Variants in BCKDHB observed in about 807,000 individuals in gnomAD.
BCKDHB encodes the protein 2-oxoisovalerate dehydrogenase subunit beta, mitochondrial.
BCKDHB carries 41 observed loss-of-function variants against 48.5 expected under a neutral mutation model. That is an observed-to-expected ratio of 0.85 (90% CI 0.66 to 1.10). The LOEUF is 1.10. Among genes scored for constraint, BCKDHB ranks in the 50% least tolerant of loss-of-function variants. The pLI, the probability that BCKDHB is intolerant of heterozygous loss-of-function variation, is 0.00. For missense variants in BCKDHB, 496 were observed against 494.2 expected (o/e 1.00, Z -0.03); for synonymous variants, 201 against 174.8 (o/e 1.15, Z -1.18).
chr6:80,133,778 G>GACCC (rs1770747006), intron 3 of BCKDHB, among the ~76,000 whole-genome samples: 1 of 152,026 alleles, frequency 6.6e-6, no homozygotes, highest in African/African-American at 2.4e-5. Context: ...AAGTAGCTGG[G>GACCC]ACTACAGGTG....
chr6:80,267,121 C>T (rs1777546573), intron 8 of BCKDHB, among the ~76,000 whole-genome samples: 1 of 151,810 alleles, frequency 6.6e-6, no homozygotes, highest in Non-Finnish European at 1.5e-5. Context: ...TTGCCATGTG[C>T]TGTGTTCTTC....
At chr6:80,438,319 G>C in the BCKDHB span, among the ~76,000 whole-genome samples, 2 of 152,276 alleles carry the variant, frequency 1.3e-5, no homozygotes, top group Admixed American at 1.3e-4. Context: ...GGATCTCATA[G>C]CATAGACTTT....
chr6:80,167,189 T>C (rs1772619926), intron 3 of BCKDHB, among the ~76,000 whole-genome samples: 1 of 152,164 alleles, frequency 6.6e-6, no homozygotes, highest in South Asian at 2.1e-4. Context: ...GCTATTAATA[T>C]AGTGACATCA....
In BCKDHB at chr6:80,286,108, T is replaced by G. The variant is rs142650192; in HGVS notation, c.1038+12887T>G. 3.4e-4 allele frequency among the ~76,000 whole-genome samples: 52 copies of G among 152,298 alleles called. 1 individual carries two copies. The East Asian group carries it at 9.1e-3, about 27-fold the overall frequency. On this transcript the variant is annotated intron_variant, in intron 9 of 9. Coordinates refer to ENST00000320393, the MANE Select transcript of BCKDHB (RefSeq NM_183050.4). ...TGAATTTTCTGCTTATGCTGTTAAT[T>G]TTCTCCAAGGATATCATAGCTAACT...
chr6:80,155,303 T>C (rs1340852212), intron 3 of BCKDHB, among the ~76,000 whole-genome samples: 1 of 152,196 alleles, frequency 6.6e-6, no homozygotes, highest in Non-Finnish European at 1.5e-5. Context: ...TATTTAAAAC[T>C]GTTTTGTATT....
intron 3 of BCKDHB, among the ~76,000 whole-genome samples, chr6:80,156,816 C>G (rs1772065616): frequency 6.6e-6 from 1 of 152,092 alleles, no homozygotes; most frequent in Non-Finnish European, 1.5e-5. Flanking sequence ...AAACTCAAAG[C>G]TTTGTTGGTG....
chr6:80,188,697 T>C (rs1773761898), intron 6 of BCKDHB, among the ~76,000 whole-genome samples: 1 of 152,144 alleles, frequency 6.6e-6, no homozygotes, highest in African/African-American at 2.4e-5. Context: ...CTTACTATGC[T>C]TATTACCTGG....
intron 8 of BCKDHB, among the ~76,000 whole-genome samples, chr6:80,225,400 G>C (rs1775639327): frequency 6.6e-6 from 1 of 152,112 alleles, no homozygotes; most frequent in African/African-American, 2.4e-5. Context: ...TAGACAAAAA[G>C]TGAATAAAAA....
the BCKDHB span, among the ~76,000 whole-genome samples, chr6:80,391,070 C>A: frequency 6.6e-6 from 1 of 152,140 alleles, no homozygotes; most frequent in Non-Finnish European, 1.5e-5. Flanking sequence ...AGACTGACTT[C>A]TTGCTCAAGT....
At chr6:80,132,357 C>G (rs907738246) in intron 3 of BCKDHB, among the ~76,000 whole-genome samples, 1 of 152,122 alleles carries the variant, frequency 6.6e-6, no homozygotes, top group Non-Finnish European at 1.5e-5. Context: ...TAAGCTGTTC[C>G]ACAGAATGGA....
At chr6:80,369,028 A>G in the BCKDHB span, among the ~76,000 whole-genome samples, 31 of 1,886 alleles carry the variant, frequency 0.016, 6 homozygotes, top group East Asian at 0.5. Context: ...AAAAAAAAAC[A>G]AAAGAAAAGA....
At position 80,127,717 on chromosome 6, in the gene BCKDHB, A is replaced by C. The variant is rs144142775; in HGVS notation, c.274+93A>C. 3.5e-6 allele frequency: 4 copies of C among 1,136,256 alleles called. 1 individual carries two copies. The highest frequency in any genetic ancestry group is 5.4e-6 in the Non-Finnish European group (4 of 744,814). The allele number at this position is 1,136,256 out of a possible 1,614,324, so 70.4% of individuals were successfully genotyped here. A position where few individuals can be genotyped will look rare whatever the true frequency, so the allele number is the denominator to read the frequency against. On this transcript the variant is annotated intron_variant, in intron 2 of 9. Transcript: ENST00000320393. ...ATTTATGTGGAGCTCAATGGTTAAC[A>C]TTGTATCTACCTGACATTTTCAAAG...
the BCKDHB span, among the ~76,000 whole-genome samples, chr6:80,372,475 T>G: frequency 2.0e-5 from 3 of 152,104 alleles, no homozygotes; most frequent in Non-Finnish European, 4.4e-5. Context: ...GCTAGGACTT[T>G]CAGTACTATG....
At chr6:80,187,376 C>T (rs1773691140) in intron 6 of BCKDHB, among the ~76,000 whole-genome samples, 1 of 151,820 alleles carries the variant, frequency 6.6e-6, no homozygotes, top group Admixed American at 6.6e-5. Context: ...ACACTTAAAC[C>T]TAAGCTTTTA....
intron 8 of BCKDHB, among the ~76,000 whole-genome samples, chr6:80,213,273 G>C (rs1213316977): frequency 6.6e-6 from 1 of 151,948 alleles, no homozygotes; most frequent in African/African-American, 2.4e-5. Context: ...CCTTGCATTT[G>C]ACTTTTCTTA....
chr6:80,446,842 T>C, the BCKDHB span, among the ~76,000 whole-genome samples: 3 of 151,724 alleles, frequency 2.0e-5, no homozygotes, highest in Non-Finnish European at 4.4e-5. Flanking sequence ...AAGTGAAGTT[T>C]ATTGCATGGT....
At chr6:80,268,684 T>G (rs976273744) in intron 8 of BCKDHB, among the ~76,000 whole-genome samples, 4 of 152,130 alleles carry the variant, frequency 2.6e-5, no homozygotes, top group African/African-American at 9.6e-5. Context: ...TTCAGGAATA[T>G]GGAAGCTTTA....
At chr6:80,457,863 G>A in the BCKDHB span, among the ~76,000 whole-genome samples, 12 of 152,152 alleles carry the variant, frequency 7.9e-5, no homozygotes, top group Non-Finnish European at 1.8e-4. Context: ...TTTCGTCTGC[G>A]TCTTAAGATG....
At position 80,328,001 on chromosome 6, in the gene BCKDHB, A is replaced by G. The variant is rs1769127157; in HGVS notation, c.1039-15663A>G. Among the ~76,000 whole-genome samples, 3 of 123,708 alleles carry G rather than the reference A, an allele frequency of 2.4e-5. No homozygotes were observed. In the Admixed American group the frequency reaches 3.0e-4, roughly 12 times the overall value. The allele number at this position is 123,708 out of a possible 152,430, so 81.2% of individuals were successfully genotyped here. ...GTTCTTTTCTTTTTGTCTGCCTTTT[A>G]GTATTAAAATGGTCACCTGACGACC... On this transcript the variant is annotated intron_variant, in intron 9 of 9. Transcript: ENST00000320393.
Sources: allele counts gnomAD v4.1 joint callset (sites outside exome capture counted in the v4.1 genomes callset), GRCh38; gene constraint gnomAD v4.1.1; transcripts MANE v1.5; gene names NCBI Gene and HGNC (gene_info 2026-07-23, HGNC 2026-07-21).